Variants in WDR7 observed in about 807,000 individuals in gnomAD.
The protein encoded by WDR7 is WD repeat-containing protein 7.
Under a neutral mutation model 169.4 loss-of-function variants are expected in WDR7, and 46 were observed. The observed-to-expected ratio is 0.27, with a 90% CI of 0.21 to 0.35. The LOEUF is 0.35. WDR7 is among the 10% of genes least tolerant of loss of function. The pLI is 1.00. For missense variants in WDR7, 1,534 were observed against 1,859.3 expected (o/e 0.83, Z 3.22); for synonymous variants, 612 against 666.8 (o/e 0.92, Z 1.27).
At chr18:57,015,550 G>A (rs571401324) in intron 26 of WDR7, among the ~76,000 whole-genome samples, 76 of 152,166 alleles carry the variant, frequency 5.0e-4, no homozygotes, top group Non-Finnish European at 7.6e-4. Context: ...CAGTCAGAGC[G>A]ATGTCTTTGT....
intron 21 of WDR7, among the ~76,000 whole-genome samples, chr18:56,911,914 T>C (rs1176630340): frequency 6.6e-6 from 1 of 152,248 alleles, no homozygotes; most frequent in African/African-American, 2.4e-5. Context: ...TTGGGTTTTA[T>C]GTACTTTTTA....
At chr18:56,932,403 A>T (rs1414551773) in intron 22 of WDR7, among the ~76,000 whole-genome samples, 1 of 152,166 alleles carries the variant, frequency 6.6e-6, no homozygotes, top group South Asian at 2.1e-4. Flanking sequence ...CCCACCACCC[A>T]GCACCAAAGC....
chr18:56,792,122 A>G (rs1023559745), intron 19 of WDR7, among the ~76,000 whole-genome samples: 12 of 152,120 alleles, frequency 7.9e-5, no homozygotes, highest in Non-Finnish European at 1.2e-4. Context: ...CGTTCAAGCA[A>G]TCTTCCTGGC....
intron 1 of WDR7, among the ~76,000 whole-genome samples, chr18:56,658,562 G>T (rs982795116): frequency 6.6e-6 from 1 of 152,204 alleles, no homozygotes; most frequent in Non-Finnish European, 1.5e-5. Context: ...GAGTGAGCCA[G>T]TTACCTTCTG....
chr18:56,888,164 G>T lies in WDR7; in HGVS notation c.3526+7999G>T, dbSNP rs558913037. On this transcript the variant is annotated intron_variant, in intron 21 of 27. Transcript: ENST00000254442. The stretch of plus-strand genomic sequence containing the variant: ...AAACCCCAGTTATCCACATTGATGG[G>T]AGGAAGGAATGACACTGATGCGTAA... 4.6e-5 allele frequency among the ~76,000 whole-genome samples: 7 copies of T among 152,286 alleles called. No individual in the cohort carries two copies. In the East Asian group the frequency reaches 1.3e-3, roughly 29 times the overall value.
At chr18:56,982,658 G>C (rs2047663365) in intron 26 of WDR7, among the ~76,000 whole-genome samples, 1 of 152,168 alleles carries the variant, frequency 6.6e-6, no homozygotes, top group Non-Finnish European at 1.5e-5. Flanking sequence ...GATTGATCAT[G>C]TGGTTATGGG....
At chr18:56,688,687 G>A (rs945227176) in intron 7 of WDR7, among the ~76,000 whole-genome samples, 2 of 151,684 alleles carry the variant, frequency 1.3e-5, no homozygotes, top group Non-Finnish European at 2.9e-5. Flanking sequence ...CGAGATTGCG[G>A]CACTGCACTC....
At chr18:56,930,854 A>G (rs1282150675) in intron 22 of WDR7, among the ~76,000 whole-genome samples, 2 of 152,142 alleles carry the variant, frequency 1.3e-5, no homozygotes, top group Non-Finnish European at 2.9e-5. Context: ...ATTCTCTTAC[A>G]TTATTCCTTA....
At chr18:56,738,920 T>C (rs967015263) in intron 14 of WDR7, among the ~76,000 whole-genome samples, 2 of 151,180 alleles carry the variant, frequency 1.3e-5, no homozygotes, top group African/African-American at 4.9e-5. Context: ...GGTAACTCAG[T>C]GCAAACATTG....
intron 12 of WDR7, among the ~76,000 whole-genome samples, chr18:56,705,411 T>A (rs1364280740): frequency 6.6e-6 from 1 of 151,358 alleles, no homozygotes; most frequent in Non-Finnish European, 1.5e-5. Flanking sequence ...CCTCAGGGAG[T>A]ACATAGGGCA....
At chr18:56,944,136 G>A (rs1449044260) in intron 25 of WDR7, among the ~76,000 whole-genome samples, 1 of 151,780 alleles carries the variant, frequency 6.6e-6, no homozygotes, top group East Asian at 1.9e-4. Flanking sequence ...CTTCAGGTGT[G>A]AGCCACCACG....
rs78763091 is a variant in WDR7 at position 56,698,973 on chromosome 18, T to C, written c.1578+2511T>C. ...CAATAATCTGTACAACAAACCCCCATGACACAAATTTACCTGTATAACAAA... is the reference window on the plus strand; with the variant it reads ...CAATAATCTGTACAACAAACCCCCACGACACAAATTTACCTGTATAACAAA... On this transcript the variant is annotated intron_variant, in intron 12 of 27. Coordinates refer to ENST00000254442, the MANE Select transcript of WDR7 (RefSeq NM_015285.3). Among the ~76,000 whole-genome samples, 231 of 152,284 alleles carry C rather than the reference T, an allele frequency of 1.5e-3. 3 individuals are homozygous for C. Among genetic ancestry groups the C allele is most frequent in the East Asian group, 6.0e-3 (31 of 5,192 alleles).
chr18:56,690,986 A>G (rs2025554851), intron 7 of WDR7, among the ~76,000 whole-genome samples: 1 of 152,076 alleles, frequency 6.6e-6, no homozygotes, highest in Non-Finnish European at 1.5e-5. Flanking sequence ...TCCACTTGTC[A>G]TAGCCTATTC....
chr18:56,701,271 C>T (rs2025828540), intron 12 of WDR7, among the ~76,000 whole-genome samples: 1 of 152,172 alleles, frequency 6.6e-6, no homozygotes, highest in Non-Finnish European at 1.5e-5. Flanking sequence ...AGAGGTTTGA[C>T]TAACTACATA....
At chr18:57,026,502 G>T (rs1044084530) in intron 27 of WDR7, among the ~76,000 whole-genome samples, 5 of 152,282 alleles carry the variant, frequency 3.3e-5, no homozygotes, top group Admixed American at 6.5e-5. Context: ...GGGAAATGGG[G>T]GTGGAAGGGA....
At chr18:56,893,324 CTG>C (rs1166194558) in intron 21 of WDR7, among the ~76,000 whole-genome samples, 1 of 151,860 alleles carries the variant, frequency 6.6e-6, no homozygotes, top group Non-Finnish European at 1.5e-5. Context: ...ATCAGGATCT[CTG>C]TAATTAAAGT....
chr18:56,756,499 C>A, intron 14 of WDR7, 84 bp from the exon 15 acceptor site: 1 of 1,189,622 alleles, frequency 8.4e-7, no homozygotes, highest in South Asian at 1.8e-5. Context: ...CATGTTAATT[C>A]CTCTGATTAT....
At chr18:56,906,867 CTTTGCAT>C (rs1378750202) in intron 21 of WDR7, among the ~76,000 whole-genome samples, 9 of 152,170 alleles carry the variant, frequency 5.9e-5, no homozygotes, top group Non-Finnish European at 8.8e-5. Context: ...TTTTGCTTAT[CTTTGCAT>C]TTTGCATAAT....
intron 21 of WDR7, among the ~76,000 whole-genome samples, chr18:56,921,149 C>G (rs1389078559): frequency 6.6e-6 from 1 of 152,192 alleles, no homozygotes; most frequent in Non-Finnish European, 1.5e-5. Flanking sequence ...ATCAACAAGG[C>G]TAGAAATCAA....
Sources: allele counts gnomAD v4.1 joint callset (sites outside exome capture counted in the v4.1 genomes callset), GRCh38; gene constraint gnomAD v4.1.1; transcripts MANE v1.5; gene names NCBI Gene and HGNC (gene_info 2026-07-23, HGNC 2026-07-21).